Variants in AGO1 observed in about 807,000 individuals in gnomAD.
AGO1 encodes argonaute RISC component 1.
A neutral mutation model predicts 109.2 loss-of-function variants in AGO1; 11 were observed. The ratio of observed to expected loss-of-function variants is 0.10; its 90% CI spans 0.06 to 0.17. AGO1 has a LOEUF of 0.17. Ranked by LOEUF, AGO1 falls within the 10% of genes least tolerant of loss-of-function variation. The probability of loss-of-function intolerance (pLI) is 1.00; values close to 1 mark genes in which losing one functional copy is unlikely to be tolerated. For synonymous variants in AGO1, 422 were observed against 418.6 expected (o/e 1.01, Z -0.10); for missense variants, 574 against 1,140.3 (o/e 0.50, Z 7.15).
intron 15 of AGO1, among the ~76,000 whole-genome samples, chr1:35,917,025 C>T (rs944747367): frequency 1.3e-5 from 2 of 152,062 alleles, no homozygotes; most frequent in African/African-American, 4.8e-5. Flanking sequence ...CAGTTTTGAC[C>T]CTCTGTATCT....
chr1:35,918,549 C>CTGTTT (rs749712436), intron 17 of AGO1, 126 bp downstream of exon 17: 5 of 902,308 alleles, frequency 5.5e-6, no homozygotes, highest in Admixed American at 3.8e-5. Flanking sequence ...TCTGTTTGTT[C>CTGTTT]TGTTTTGTTT....
rs1344112859 is a variant in AGO1 at position 35,883,712 on chromosome 1, G to C, written c.25+266G>C. On this transcript the variant is annotated intron_variant, in intron 1 of 18. Coordinates refer to ENST00000373204, the MANE Select transcript of AGO1 (RefSeq NM_012199.5). This position sits in a 1 kb window ranked among gnomAD's most constrained non-coding sequence, Gnocchi z 5.4. ...GGGAGAAGGGCCTGCACGCACGGAA[G>C]GACTCCCAGACATCCGTGGAGGCCT... 2.6e-5 allele frequency among the ~76,000 whole-genome samples: 4 copies of C among 152,220 alleles called. No individual in the cohort carries two copies. Among genetic ancestry groups the C allele is most frequent in the African/African-American group, 7.2e-5 (3 of 41,452 alleles).
chr1:35,919,321 C>A lies in AGO1; in HGVS notation c.2465+67C>A, dbSNP rs1276765169. 6.5e-7 allele frequency: 1 copy of A among 1,545,684 alleles called. No individual in the cohort carries two copies. Among genetic ancestry groups the A allele is most frequent in the East Asian group, 2.4e-5 (1 of 41,764 alleles). ...TATTGTGCCAGATCTTCTTAACTTT[C>A]CTTGGGTAGAAGGAAATGAGTGCTG... On this transcript the variant is annotated intron_variant, in intron 18 of 18. Transcript: ENST00000373204. This position sits in a 1 kb window ranked among gnomAD's most constrained non-coding sequence, Gnocchi z 6.6.
intron 15 of AGO1, among the ~76,000 whole-genome samples, chr1:35,917,169 C>CTA (rs752048894): frequency 6.6e-6 from 1 of 152,180 alleles, no homozygotes; most frequent in Non-Finnish European, 1.5e-5. Flanking sequence ...CATTATGGAA[C>CTA]TATATGTCTG....
intron 14 of AGO1, among the ~76,000 whole-genome samples, chr1:35,914,683 C>G (rs938711994): frequency 3.3e-5 from 5 of 152,212 alleles, no homozygotes; most frequent in African/African-American, 9.6e-5. Flanking sequence ...TCTCTTATCT[C>G]TCTCCTGACT....
chr1:35,895,393 C>T (rs1023697512), intron 8 of AGO1, 124 bp downstream of exon 8: 9 of 1,121,240 alleles, frequency 8.0e-6, no homozygotes, highest in Non-Finnish European at 9.7e-6. Flanking sequence ...TGAGGTAGTT[C>T]TCCTGTGAAA....
chr1:35,918,188 G>A, intron 16 of AGO1, 134 bp from the exon 17 acceptor site: 5 of 729,546 alleles, frequency 6.9e-6, no homozygotes, highest in Non-Finnish European at 4.9e-6. Flanking sequence ...ATTATTTTAA[G>A]ATTCAGTACC....
rs1404716895 is a variant in AGO1 at position 35,922,151 on chromosome 1, T to C, written c.*2544T>C. The C allele has an allele frequency of 6.5e-6, 1 of 152,724 alleles. No individual in the cohort carries two copies. Among genetic ancestry groups the C allele is most frequent in the Non-Finnish European group, 1.5e-5 (1 of 68,076 alleles). 9.5% of individuals were successfully genotyped at this position (152,724 alleles called of 1,614,324 possible). A position where few individuals can be genotyped will look rare whatever the true frequency, so the allele number is the denominator to read the frequency against. On this transcript the variant is annotated 3_prime_UTR_variant, in exon 19 of 19. Coordinates refer to ENST00000373204, the MANE Select transcript of AGO1 (RefSeq NM_012199.5). Reference sequence around the variant, plus strand: ...CAAGTTTGTGTTCTCTCCTTTTCTCTCTTTGCCTCACTCTCTCCAGTTGGT... The same window carrying C: ...CAAGTTTGTGTTCTCTCCTTTTCTCCCTTTGCCTCACTCTCTCCAGTTGGT...
At chr1:35,885,945 C>G (rs1645113368) in intron 1 of AGO1, among the ~76,000 whole-genome samples, 1 of 152,222 alleles carries the variant, frequency 6.6e-6, no homozygotes. Flanking sequence ...TTAGTCTTTG[C>G]TTGCCCACCA....
upstream of AGO1, among the ~76,000 whole-genome samples, chr1:35,882,593 G>A (rs535845535): frequency 1.8e-4 from 28 of 152,338 alleles, no homozygotes; most frequent in South Asian, 2.1e-3. This position sits in a 1 kb window ranked among gnomAD's most constrained non-coding sequence, Gnocchi z 5.1. Flanking sequence ...ATGAGAAAGT[G>A]GAGGCAGGTG....
chr1:35,886,418 C>T (rs1006391656), intron 1 of AGO1, among the ~76,000 whole-genome samples: 2 of 152,098 alleles, frequency 1.3e-5, no homozygotes, highest in Non-Finnish European at 2.9e-5. Context: ...GTGTGGGCTC[C>T]CCTGTTTTCC....
In AGO1 at chr1:35,902,199, C is replaced by T; in HGVS notation, c.1264-5C>T. 6.2e-7 allele frequency: 1 copy of T among 1,612,846 alleles called. No homozygotes were observed. Among genetic ancestry groups the T allele is most frequent in the South Asian group, 1.1e-5 (1 of 90,868 alleles). On this transcript the variant is annotated splice_polypyrimidine_tract_variant and splice_region_variant and intron_variant, in intron 10 of 18. Transcript: ENST00000373204. ...CACCTAGGCGCCCCCTCTACCTATCCCCAGAACCGGGCCATTGCCACACCC... is the reference window on the plus strand; with the variant it reads ...CACCTAGGCGCCCCCTCTACCTATCTCCAGAACCGGGCCATTGCCACACCC...
intron 1 of AGO1, among the ~76,000 whole-genome samples, chr1:35,886,609 G>A (rs1210455645): frequency 6.6e-6 from 1 of 152,162 alleles, no homozygotes; most frequent in Non-Finnish European, 1.5e-5. Flanking sequence ...GTCTGGGAGG[G>A]GAAGAAGGTG....
In AGO1 at chr1:35,893,168, C is replaced by T; in HGVS notation, c.402C>T (p.Ala134=). ...TTAAGGTCTCCATCAAGTGGCTAGCCATTGTGAGCTGGCGAATGCTGCATG... is the reference window on the plus strand; with the variant it reads ...TTAAGGTCTCCATCAAGTGGCTAGCTATTGTGAGCTGGCGAATGCTGCATG... ...RIFKVSIKWL[A]IVSWRMLHEA... The change falls in exon 4 of 19, where the codon GCC becomes GCT. Residue 134 remains alanine, a synonymous_variant. Coordinates refer to ENST00000373204, the MANE Select transcript of AGO1 (RefSeq NM_012199.5). This position sits in a 1 kb window ranked among gnomAD's most constrained non-coding sequence, Gnocchi z 5.6. 1 of 1,614,104 alleles carries T rather than the reference C, an allele frequency of 6.2e-7. No homozygotes were observed. The highest frequency in any genetic ancestry group is 8.5e-7 in the Non-Finnish European group (1 of 1,180,026).
chr1:35,914,478 G>A (rs1173997652), intron 14 of AGO1, among the ~76,000 whole-genome samples: 3 of 152,156 alleles, frequency 2.0e-5, no homozygotes, highest in Non-Finnish European at 4.4e-5. Flanking sequence ...TAATGAGAGT[G>A]TAGCCAGAGA....
In AGO1 at chr1:35,888,865, G is replaced by C. The variant is rs1444161588; in HGVS notation, c.209+255G>C. 6.6e-6 allele frequency among the ~76,000 whole-genome samples: 1 copy of C among 152,196 alleles called. No individual in the cohort carries two copies. Among genetic ancestry groups the C allele is most frequent in the African/African-American group, 2.4e-5 (1 of 41,450 alleles). ...AGTTAATCTAACTACATTGAGTTAA[G>C]AAATAAGTACAGTACCTACTACATT... On this transcript the variant is annotated intron_variant, in intron 2 of 18. Transcript: ENST00000373204. The surrounding 1 kb of genome is among the most constrained non-coding windows in gnomAD (Gnocchi z 4.1).
At chr1:35,875,132 T>C (rs942253977) in intron 1 of AGO1, among the ~76,000 whole-genome samples, 2 of 152,210 alleles carry the variant, frequency 1.3e-5, no homozygotes, top group Non-Finnish European at 2.9e-5. Context: ...AGAGTTTCAG[T>C]GTAGATGAAA....
intron 1 of AGO1, among the ~76,000 whole-genome samples, chr1:35,874,883 T>A (rs1644980607): frequency 6.6e-6 from 1 of 152,316 alleles, no homozygotes; most frequent in East Asian, 1.9e-4. Flanking sequence ...GCCATAACAT[T>A]CCCTTAAGCC....
At chr1:35,886,241 G>A (rs552914889) in intron 1 of AGO1, among the ~76,000 whole-genome samples, 7 of 152,236 alleles carry the variant, frequency 4.6e-5, no homozygotes, top group East Asian at 1.9e-4. Context: ...CAAAGTGGCC[G>A]TCTGTCCCTG....
Sources: gnomAD v4.1 joint callset for allele counts (sites outside exome capture counted in the v4.1 genomes callset) on GRCh38, gnomAD v4.1.1 for gene constraint, Gnocchi (gnomAD v3.1) non-coding constraint, MANE v1.5 for transcripts, NCBI Gene and HGNC (gene_info 2026-07-23, HGNC 2026-07-21) for gene names.